The following KCNH5 variants were observed in gnomAD, a reference collection of about 807,000 sequenced individuals.
KCNH5 encodes the protein voltage-gated delayed rectifier potassium channel KCNH5.
In KCNH5, 46 loss-of-function variants were observed where a neutral mutation model predicts 96.1. The observed-to-expected ratio is 0.48, with a 90% CI of 0.38 to 0.61. KCNH5 has a LOEUF of 0.61. Ranked by LOEUF, KCNH5 falls within the 20% of genes least tolerant of loss-of-function variation. The probability of loss-of-function intolerance (pLI) is 0.00; values close to 1 mark genes in which losing one functional copy is unlikely to be tolerated. For missense variants in KCNH5, 907 were observed against 1,225.8 expected (o/e 0.74, Z 3.88); for synonymous variants, 439 against 449.8 (o/e 0.98, Z 0.30).
chr14:62,953,253 T>A (rs981119946), intron 6 of KCNH5, among the ~76,000 whole-genome samples: 3 of 151,996 alleles, frequency 2.0e-5, no homozygotes, highest in Non-Finnish European at 4.4e-5. Context: ...TTCCTCTTGG[T>A]TTTTAGCCAA....
chr14:63,018,131 G>C (rs75959647), intron 1 of KCNH5, among the ~76,000 whole-genome samples: 4,542 of 152,030 alleles, frequency 0.03, 215 homozygotes, highest in East Asian at 0.14. Flanking sequence ...GGAAGCAACG[G>C]AAAGTAGGCA....
intron 1 of KCNH5, among the ~76,000 whole-genome samples, chr14:63,033,782 TA>T (rs1304513441): frequency 7.0e-6 from 1 of 142,726 alleles, no homozygotes; most frequent in African/African-American, 2.7e-5. Context: ...CCATGGCAGG[TA>T]TTTTTTTTTT....
intron 10 of KCNH5, among the ~76,000 whole-genome samples, chr14:62,728,681 A>G (rs1884987728): frequency 6.6e-6 from 1 of 152,200 alleles, no homozygotes; most frequent in Non-Finnish European, 1.5e-5. Flanking sequence ...TGGAGAAGTT[A>G]TTTAACCTTT....
intron 1 of KCNH5, among the ~76,000 whole-genome samples, chr14:63,039,839 C>T (rs528893043): frequency 6.6e-6 from 1 of 151,728 alleles, no homozygotes; most frequent in African/African-American, 2.4e-5. Context: ...CTTCCAAGAG[C>T]ACCAACTAAC....
At chr14:62,881,481 C>T (rs1888490774) in intron 7 of KCNH5, among the ~76,000 whole-genome samples, 1 of 151,940 alleles carries the variant, frequency 6.6e-6, no homozygotes, top group Non-Finnish European at 1.5e-5. Context: ...TGCCAGAAGG[C>T]GGAGGGTGGG....
chr14:63,012,749 C>A (rs145795844), intron 2 of KCNH5, among the ~76,000 whole-genome samples: 1 of 151,580 alleles, frequency 6.6e-6, no homozygotes, highest in African/African-American at 2.4e-5. Context: ...GATCATCATA[C>A]GGTGACACAA....
intron 4 of KCNH5, among the ~76,000 whole-genome samples, chr14:62,992,177 G>A (rs1890821857): frequency 1.3e-5 from 2 of 151,978 alleles, no homozygotes; most frequent in Admixed American, 1.3e-4. Context: ...TTTTATGGCT[G>A]AGTAGCATCC....
intron 9 of KCNH5, among the ~76,000 whole-genome samples, chr14:62,789,459 T>C (rs573191465): frequency 1.7e-4 from 26 of 152,096 alleles, no homozygotes; most frequent in Non-Finnish European, 3.1e-4. Flanking sequence ...AGAGGGATAT[T>C]GAGTCACACA....
intron 7 of KCNH5, among the ~76,000 whole-genome samples, chr14:62,910,768 T>C (rs1054295602): frequency 2.0e-5 from 3 of 152,108 alleles, no homozygotes; most frequent in Admixed American, 6.5e-5. Context: ...AGCTCACAGT[T>C]TTGCACCGGT....
chr14:62,859,469 G>C (rs892915220), intron 7 of KCNH5, among the ~76,000 whole-genome samples: 1 of 152,170 alleles, frequency 6.6e-6, no homozygotes, highest in African/African-American at 2.4e-5. Context: ...CTCCTGCTGA[G>C]GTCACCTGTT....
At chr14:62,776,414 C>A (rs1886097173) in intron 10 of KCNH5, among the ~76,000 whole-genome samples, 1 of 152,072 alleles carries the variant, frequency 6.6e-6, no homozygotes, top group Non-Finnish European at 1.5e-5. Context: ...TGGATATTTG[C>A]AAGCCAGGAA....
intron 7 of KCNH5, among the ~76,000 whole-genome samples, chr14:62,928,855 G>A (rs748528123): frequency 1.5e-4 from 23 of 151,878 alleles, no homozygotes; most frequent in East Asian, 3.9e-4. Context: ...ATTGCAATGC[G>A]CCAGAGTTTA....
chr14:62,732,226 C>T (rs1885065034), intron 10 of KCNH5, among the ~76,000 whole-genome samples: 1 of 152,116 alleles, frequency 6.6e-6, no homozygotes, highest in Admixed American at 6.6e-5. Context: ...CAATTTCTTG[C>T]CTCTCCCATC....
At chr14:62,984,335 T>C (rs1407957796) in intron 5 of KCNH5, among the ~76,000 whole-genome samples, 1 of 152,110 alleles carries the variant, frequency 6.6e-6, no homozygotes, top group Non-Finnish European at 1.5e-5. Context: ...ATCAGCAGGG[T>C]GTCAATGCAC....
intron 7 of KCNH5, among the ~76,000 whole-genome samples, chr14:62,865,315 T>C (rs1382563053): frequency 7.5e-6 from 1 of 133,698 alleles, no homozygotes; most frequent in Non-Finnish European, 1.6e-5. Flanking sequence ...GTCTGGTGAA[T>C]AAGGGTAAAA....
intron 1 of KCNH5, among the ~76,000 whole-genome samples, chr14:63,029,680 G>C (rs1390057928): frequency 6.6e-6 from 1 of 151,680 alleles, no homozygotes; most frequent in Non-Finnish European, 1.5e-5. Flanking sequence ...AAGAGAGGGA[G>C]ACAGATTTTT....
chr14:62,961,930 G>A (rs1330488658), intron 6 of KCNH5, among the ~76,000 whole-genome samples: 1 of 151,922 alleles, frequency 6.6e-6, no homozygotes, highest in Non-Finnish European at 1.5e-5. Context: ...TGGAGATGGA[G>A]ATGCAGATGG....
chr14:62,827,734 A>G (rs1887255705), intron 8 of KCNH5, among the ~76,000 whole-genome samples: 1 of 152,162 alleles, frequency 6.6e-6, no homozygotes, highest in Non-Finnish European at 1.5e-5. Flanking sequence ...TATACTTTGA[A>G]GTTGATTACA....
rs180827230 is a variant in KCNH5 at position 62,783,138 on chromosome 14, G to A, written c.1823-3214C>T. 2.3e-4 allele frequency among the ~76,000 whole-genome samples: 35 copies of A among 152,184 alleles called. 1 individual carries two copies. Among genetic ancestry groups the A allele is most frequent in the African/African-American group, 8.2e-4 (34 of 41,524 alleles). On this transcript the variant is annotated intron_variant, in intron 9 of 10. Transcript: ENST00000322893. Reference sequence around the variant, plus strand: ...AGGTTATATAAAATAGTAAAAGCAGGATATCAAACTATACATACAGCATAA... The same window carrying A: ...AGGTTATATAAAATAGTAAAAGCAGAATATCAAACTATACATACAGCATAA...
Sources: allele counts gnomAD v4.1 joint callset (sites outside exome capture counted in the v4.1 genomes callset), GRCh38; gene constraint gnomAD v4.1.1; transcripts MANE v1.5; gene names NCBI Gene and HGNC (gene_info 2026-07-23, HGNC 2026-07-21).